The following FRMD3 variants were observed in gnomAD, a reference collection of about 807,000 sequenced individuals.
FRMD3 encodes FERM domain containing 3.
Under a neutral mutation model 70.2 loss-of-function variants are expected in FRMD3, and 33 were observed. The ratio of observed to expected loss-of-function variants is 0.47; its 90% CI spans 0.36 to 0.63. The LOEUF is 0.63. FRMD3 is among the 20% of genes least tolerant of loss of function. The probability of loss-of-function intolerance (pLI) is 0.00; values close to 1 mark genes in which losing one functional copy is unlikely to be tolerated. For synonymous variants in FRMD3, 279 were observed against 255.9 expected (o/e 1.09, Z -0.86); for missense variants, 632 against 711.4 (o/e 0.89, Z 1.27).
At chr9:83,465,225 T>C (rs1332403093) in intron 1 of FRMD3, among the ~76,000 whole-genome samples, 1 of 152,070 alleles carries the variant, frequency 6.6e-6, no homozygotes, top group Non-Finnish European at 1.5e-5. Flanking sequence ...GAGGAAACTG[T>C]CATGACCCCA....
At chr9:83,294,144 C>G (rs1040166463) in intron 12 of FRMD3, among the ~76,000 whole-genome samples, 1 of 152,174 alleles carries the variant, frequency 6.6e-6, no homozygotes, top group Admixed American at 6.5e-5. Flanking sequence ...GTCATGATCA[C>G]ATGAATAGAA....
intron 13 of FRMD3, among the ~76,000 whole-genome samples, chr9:83,277,504 A>G (rs1232617238): frequency 6.6e-6 from 1 of 152,152 alleles, no homozygotes; most frequent in Non-Finnish European, 1.5e-5. Flanking sequence ...AGCTGGGCCT[A>G]CAGGCACATG....
intron 13 of FRMD3, among the ~76,000 whole-genome samples, chr9:83,266,183 CTA>C (rs1395259567): frequency 6.6e-6 from 1 of 151,660 alleles, no homozygotes; most frequent in Non-Finnish European, 1.5e-5. Flanking sequence ...CATAGATCAA[CTA>C]TTGGGAGTAT....
At chr9:83,293,040 G>C (rs1181258579) in intron 12 of FRMD3, among the ~76,000 whole-genome samples, 4 of 152,206 alleles carry the variant, frequency 2.6e-5, no homozygotes, top group African/African-American at 9.6e-5. Flanking sequence ...CAAAGGAGGG[G>C]CACCTAATCC....
chr9:83,453,322 A>T (rs945132353), intron 1 of FRMD3, among the ~76,000 whole-genome samples: 1 of 152,200 alleles, frequency 6.6e-6, no homozygotes, highest in East Asian at 1.9e-4. Flanking sequence ...TCTACGCTTT[A>T]TTATATCTCC....
chr9:83,354,520 G>A (rs910232839), intron 3 of FRMD3, among the ~76,000 whole-genome samples: 1 of 152,122 alleles, frequency 6.6e-6, no homozygotes, highest in African/African-American at 2.4e-5. Context: ...AGTAAAGGGG[G>A]CAAGTGTTGA....
Position 83,508,890 on chromosome 9 carries a change from T to C in FRMD3, c.147+29195A>G, listed in dbSNP as rs537335190. On this transcript the variant is annotated intron_variant, in intron 1 of 13. Coordinates refer to ENST00000304195, the MANE Select transcript of FRMD3 (RefSeq NM_174938.6). ...GGCTGGCCAAGTCTAAAATGTGTAC[T>C]ATCTGGTCTGTTACAGAAAAAGCTT... is the stretch of plus-strand genomic sequence containing the variant. Among the ~76,000 whole-genome samples the C allele has an allele frequency of 6.6e-5, 10 of 152,282 alleles. No individual in the cohort carries two copies. The East Asian group carries it at 1.9e-3, about 29-fold the overall frequency.
At chr9:83,411,002 G>A (rs186470029) in intron 1 of FRMD3, among the ~76,000 whole-genome samples, 87 of 152,238 alleles carry the variant, frequency 5.7e-4, no homozygotes, top group Non-Finnish European at 9.9e-4. Flanking sequence ...GGGTGTTTTG[G>A]GACATGACTC....
chr9:83,373,832 T>C (rs1374177875), intron 2 of FRMD3, among the ~76,000 whole-genome samples: 1 of 152,208 alleles, frequency 6.6e-6, no homozygotes, highest in Admixed American at 6.5e-5. Flanking sequence ...CCCACCTGCT[T>C]GATGCCGGAG....
chr9:83,349,553 G>A (rs529279342), intron 4 of FRMD3, 126 bp downstream of exon 4: 10 of 595,712 alleles, frequency 1.7e-5, no homozygotes, highest in Non-Finnish European at 2.6e-5. Context: ...AAGCAAAAAC[G>A]CTGAATTCCA....
chr9:83,454,960 C>CA (rs11453888), intron 1 of FRMD3, among the ~76,000 whole-genome samples: 54,155 of 150,866 alleles, frequency 0.36, 10,732 homozygotes, highest in African/African-American at 0.55. Flanking sequence ...GATCCTGTCT[C>CA]AAAAAAAAAT....
At chr9:83,557,120 A>T in the FRMD3 span, among the ~76,000 whole-genome samples, 1 of 152,182 alleles carries the variant, frequency 6.6e-6, no homozygotes, top group Non-Finnish European at 1.5e-5. Flanking sequence ...CAAAGCAATA[A>T]GAAAAAGAGT....
At chr9:83,555,064 C>T in the FRMD3 span, among the ~76,000 whole-genome samples, 1 of 152,162 alleles carries the variant, frequency 6.6e-6, no homozygotes, top group African/African-American at 2.4e-5. Flanking sequence ...GGCTGCAGAC[C>T]CCAGTTAAGA....
At chr9:83,574,785 T>C in the FRMD3 span, among the ~76,000 whole-genome samples, 1 of 152,062 alleles carries the variant, frequency 6.6e-6, no homozygotes, top group Non-Finnish European at 1.5e-5. Flanking sequence ...GAAAAAGGGG[T>C]ATCAGGAAAC....
chr9:83,369,839 T>C (rs1484039904), intron 3 of FRMD3, among the ~76,000 whole-genome samples: 1 of 152,148 alleles, frequency 6.6e-6, no homozygotes, highest in Non-Finnish European at 1.5e-5. Context: ...CAAAATATTG[T>C]TTGCAATTGT....
At chr9:83,535,118 C>CCCAAA in intron 1 of FRMD3, among the ~76,000 whole-genome samples, 1 of 152,128 alleles carries the variant, frequency 6.6e-6, no homozygotes, top group Non-Finnish European at 1.5e-5. Flanking sequence ...ATTAGCTTCT[C>CCCAAA]AGTTTTCTTA....
At chr9:83,545,365 T>G in the FRMD3 span, among the ~76,000 whole-genome samples, 19,694 of 140,482 alleles carry the variant, frequency 0.14, 1,603 homozygotes, top group African/African-American at 0.2. Context: ...TGTTTTTTTT[T>G]TTTTTTTTTT....
chr9:83,350,126 A>G (rs1824096576), intron 3 of FRMD3, among the ~76,000 whole-genome samples: 1 of 152,158 alleles, frequency 6.6e-6, no homozygotes. Flanking sequence ...CATAAGCACC[A>G]TTCAAGTTGC....
chr9:83,323,496 T>A (rs1460246403), intron 6 of FRMD3, among the ~76,000 whole-genome samples: 7 of 152,152 alleles, frequency 4.6e-5, no homozygotes, highest in Non-Finnish European at 1.0e-4. Flanking sequence ...AAGAGGTGAT[T>A]GATTTCGTGA....
Sources: gnomAD v4.1 joint callset for allele counts (sites outside exome capture counted in the v4.1 genomes callset) on GRCh38, gnomAD v4.1.1 for gene constraint, MANE v1.5 for transcripts, NCBI Gene and HGNC (gene_info 2026-07-23, HGNC 2026-07-21) for gene names.